Variants in AMBRA1 observed in about 807,000 individuals in gnomAD.
AMBRA1 encodes autophagy and beclin 1 regulator 1.
In AMBRA1, 47 loss-of-function variants were observed where a neutral mutation model predicts 125.4. The ratio of observed to expected loss-of-function variants is 0.37; its 90% CI spans 0.30 to 0.48. AMBRA1 has a LOEUF of 0.48. Ranked by LOEUF, AMBRA1 falls within the 20% of genes least tolerant of loss-of-function variation. The pLI is 0.99. For missense variants in AMBRA1, 1,331 were observed against 1,693.4 expected (o/e 0.79, Z 3.76); for synonymous variants, 626 against 655.5 (o/e 0.95, Z 0.69).
At chr11:46,559,129 G>A (rs1481526427) in intron 1 of AMBRA1, among the ~76,000 whole-genome samples, 5 of 151,924 alleles carry the variant, frequency 3.3e-5, no homozygotes, top group South Asian at 4.2e-4. Flanking sequence ...GTGAAACCCC[G>A]TCTCTACTAA....
intron 1 of AMBRA1, among the ~76,000 whole-genome samples, chr11:46,579,129 G>A (rs1341193984): frequency 6.7e-6 from 1 of 150,236 alleles, no homozygotes; most frequent in African/African-American, 2.4e-5. Flanking sequence ...GTAGGGAGGT[G>A]AAAAAAGAAA....
At chr11:46,534,982 C>T (rs1045008069) in intron 7 of AMBRA1, among the ~76,000 whole-genome samples, 2 of 152,290 alleles carry the variant, frequency 1.3e-5, no homozygotes, top group African/African-American at 2.4e-5. Flanking sequence ...CCCTCAGTAC[C>T]CTATTCTAAA....
At chr11:46,405,565 A>G (rs531452021) in intron 17 of AMBRA1, among the ~76,000 whole-genome samples, 1 of 152,018 alleles carries the variant, frequency 6.6e-6, no homozygotes, top group South Asian at 2.1e-4. Flanking sequence ...AAAAAAAATA[A>G]TGATTAAAAA....
chr11:46,469,075 G>C (rs568192536), intron 11 of AMBRA1, among the ~76,000 whole-genome samples: 35 of 152,154 alleles, frequency 2.3e-4, no homozygotes, highest in African/African-American at 6.7e-4. Context: ...CCTGGGAGGC[G>C]GAGGTTGCAG....
intron 12 of AMBRA1, 96 bp from the exon 13 acceptor site, chr11:46,435,133 C>G (rs1947660370): frequency 1.8e-6 from 2 of 1,107,514 alleles, no homozygotes; most frequent in East Asian, 5.2e-5. Flanking sequence ...TCCTAAGGGC[C>G]TGAACCTTGT....
At chr11:46,581,640 CAAAT>C (rs1463918178) in intron 1 of AMBRA1, among the ~76,000 whole-genome samples, 1 of 151,358 alleles carries the variant, frequency 6.6e-6, no homozygotes, top group Non-Finnish European at 1.5e-5. Context: ...AATAAATACA[CAAAT>C]AAATAATTAC....
chr11:46,498,986 A>T (rs1950736514), intron 9 of AMBRA1, among the ~76,000 whole-genome samples: 1 of 152,174 alleles, frequency 6.6e-6, no homozygotes, highest in South Asian at 2.1e-4. Context: ...CTGAGGCCCC[A>T]GTCTCTACTT....
chr11:46,480,941 A>C (rs1180987223), intron 11 of AMBRA1, among the ~76,000 whole-genome samples: 1 of 152,210 alleles, frequency 6.6e-6, no homozygotes, highest in Non-Finnish European at 1.5e-5. Context: ...CACTAGCCAA[A>C]TAAATTTTCT....
intron 17 of AMBRA1, among the ~76,000 whole-genome samples, chr11:46,403,566 C>T (rs1336669135): frequency 6.6e-6 from 1 of 152,228 alleles, no homozygotes; most frequent in Non-Finnish European, 1.5e-5. Context: ...GTGCTGGAAG[C>T]CAACGGTGAG....
chr11:46,469,838 C>CT (rs34785738), intron 11 of AMBRA1, among the ~76,000 whole-genome samples: 4,898 of 128,260 alleles, frequency 0.038, 139 homozygotes, highest in Middle Eastern at 0.068. Context: ...CTAACTTAAA[C>CT]TTTTTTTTTT....
At chr11:46,460,261 A>G (rs966807765) in intron 11 of AMBRA1, among the ~76,000 whole-genome samples, 8 of 152,216 alleles carry the variant, frequency 5.3e-5, no homozygotes, top group Admixed American at 5.2e-4. Context: ...GACTTATAAT[A>G]CTGAATTTTA....
intron 14 of AMBRA1, among the ~76,000 whole-genome samples, chr11:46,428,113 G>C (rs1947248645): frequency 6.6e-6 from 1 of 151,300 alleles, no homozygotes; most frequent in South Asian, 2.1e-4. Flanking sequence ...TCTAGAGGGA[G>C]AAGGGGTATA....
intron 1 of AMBRA1, among the ~76,000 whole-genome samples, chr11:46,571,687 CTTTTTTTT>C (rs543760300): frequency 3.2e-5 from 4 of 123,922 alleles, no homozygotes; most frequent in Non-Finnish European, 6.7e-5. Flanking sequence ...ATCAATCAAT[CTTTTTTTT>C]TTTTTTTTTT....
intron 1 of AMBRA1, among the ~76,000 whole-genome samples, chr11:46,562,362 A>G (rs897521617): frequency 1.3e-5 from 2 of 152,272 alleles, no homozygotes; most frequent in African/African-American, 4.8e-5. Flanking sequence ...GGTTGGTACT[A>G]GCAGACCATG....
Position 46,543,150 on chromosome 11 carries a change from C to A in AMBRA1, c.867G>T (p.Arg289Ser), listed in dbSNP as rs1189837424. ...TERPRTSAYI[R>S]LRQRVSYPTA... The stretch of plus-strand genomic sequence containing the variant: ...TGGGGTAACTGACCCGCTGTCGGAG[C>A]CTGATGTAAGCGGAAGTCCTGGGGC... The change falls in exon 7 of 18, where the codon AGG becomes AGT. Residue 289 changes from arginine (R) to serine (S), a missense_variant. This residue lies in a region of AMBRA1 where 689 missense variants were observed against 776.5 expected (regional missense o/e 0.89). Transcript: ENST00000683756. 1.9e-6 allele frequency: 3 copies of A among 1,566,258 alleles called. No individual in the cohort carries two copies. Among genetic ancestry groups the A allele is most frequent in the East Asian group, 4.7e-5 (2 of 42,276 alleles).
chr11:46,418,326 AAATATGTATTTTATTATTTATATAAATAT>A (rs1946663688), intron 14 of AMBRA1, among the ~76,000 whole-genome samples: 1 of 3,894 alleles, frequency 2.6e-4, no homozygotes, highest in Non-Finnish European at 5.0e-4. Flanking sequence ...ATTTATATAT[AAATATGTATTTTATTATTTATATAAATAT>A]ATATTTTATT....
intron 11 of AMBRA1, among the ~76,000 whole-genome samples, chr11:46,459,550 A>G (rs1051930255): frequency 1.3e-5 from 2 of 152,052 alleles, no homozygotes; most frequent in African/African-American, 2.4e-5. Flanking sequence ...GTCTCTACTA[A>G]AAATACAAAA....
At chr11:46,529,134 C>T (rs1160941678) in intron 7 of AMBRA1, among the ~76,000 whole-genome samples, 1 of 152,202 alleles carries the variant, frequency 6.6e-6, no homozygotes. Flanking sequence ...TTGGAACCCA[C>T]CACTCTGTCC....
At chr11:46,557,267 C>T (rs1488827071) in intron 1 of AMBRA1, among the ~76,000 whole-genome samples, 1 of 148,008 alleles carries the variant, frequency 6.8e-6, no homozygotes, top group Non-Finnish European at 1.5e-5. Context: ...CGCCACTGCA[C>T]TCCAGCCTGG....
Sources: gnomAD v4.1 joint callset for allele counts (sites outside exome capture counted in the v4.1 genomes callset) on GRCh38, gnomAD v4.1.1 for gene constraint, gnomAD v4.1.1 regional missense constraint, MANE v1.5 for transcripts, NCBI Gene and HGNC (gene_info 2026-07-23, HGNC 2026-07-21) for gene names.